The following SRL variants were observed in gnomAD, a reference collection of about 807,000 sequenced individuals.
SRL encodes sarcalumenin.
In SRL, 23 loss-of-function variants were observed where a neutral mutation model predicts 39.5. The ratio of observed to expected loss-of-function variants is 0.58; its 90% CI spans 0.42 to 0.82. The LOEUF is 0.82. Ranked by LOEUF, SRL falls within the 40% of genes least tolerant of loss-of-function variation. SRL has a pLI of 0.00. For missense variants in SRL, 592 were observed against 607.8 expected, an observed-to-expected ratio of 0.97 and a Z score of 0.27; for synonymous variants, 272 against 237.4, an observed-to-expected ratio of 1.15 and a Z score of -1.34.
At chr16:4,224,958 G>C (rs925194889) in intron 1 of SRL, among the ~76,000 whole-genome samples, 2 of 152,162 alleles carry the variant, frequency 1.3e-5, no homozygotes, top group Non-Finnish European at 2.9e-5. Flanking sequence ...GCTGAACCTG[G>C]AAGACACGGT....
At chr16:4,207,356 G>A (rs565357305) in intron 1 of SRL, 5 of 456,752 alleles carry the variant, frequency 1.1e-5, no homozygotes, top group Admixed American at 2.3e-5. Flanking sequence ...CAGCTGGGCC[G>A]GGCTCCCCCT....
Position 4,192,540 on chromosome 16 carries a change from G to A in SRL, c.1035C>T (p.Leu345=), listed in dbSNP as rs374478362. The A allele has an allele frequency of 1.2e-6, 2 of 1,614,076 alleles. No homozygotes were observed. The highest frequency in any genetic ancestry group is 3.3e-5 in the Admixed American group (2 of 59,990). The change falls in exon 6 of 6, where the codon CTC becomes CTT. Residue 345 remains leucine, a synonymous_variant. Transcript: ENST00000399609. The surrounding 1 kb of genome is among the most constrained non-coding windows in gnomAD (Gnocchi z 4.0). ...AAGTCTGCAGGTAGCGGTCAACCAG[G>A]AGGGCGTGGATGCGGACCCGGATGG... ...QHAIRVRIHA[L]LVDRYLQTYK...
intron 1 of SRL, among the ~76,000 whole-genome samples, chr16:4,216,856 C>T (rs765371116): frequency 5.3e-5 from 8 of 152,130 alleles, no homozygotes; most frequent in Non-Finnish European, 1.2e-4. Context: ...CATCCCAGTC[C>T]GAAGAAATCC....
intron 3 of SRL, among the ~76,000 whole-genome samples, chr16:4,198,427 C>T (rs1246923217): frequency 6.6e-6 from 1 of 152,168 alleles, no homozygotes; most frequent in Non-Finnish European, 1.5e-5. Flanking sequence ...ATCCTGGACT[C>T]TGAGGCCAGT....
At chr16:4,203,365 T>A in intron 2 of SRL, 104 bp from the exon 3 acceptor site, 1 of 878,614 alleles carries the variant, frequency 1.1e-6, no homozygotes, top group Non-Finnish European at 1.9e-6. Flanking sequence ...CACCCCTGCC[T>A]GGTGGGCAGC....
At chr16:4,215,239 C>G (rs2052444146) in intron 1 of SRL, among the ~76,000 whole-genome samples, 1 of 152,176 alleles carries the variant, frequency 6.6e-6, no homozygotes, top group African/African-American at 2.4e-5. Context: ...ACATGGGCGA[C>G]CAGAGTGCAG....
chr16:4,195,296 A>G (rs564317229), intron 5 of SRL, among the ~76,000 whole-genome samples: 1 of 152,178 alleles, frequency 6.6e-6, no homozygotes, highest in East Asian at 1.9e-4. Flanking sequence ...TCCTCAGCTC[A>G]AGCAATCTTC....
chr16:4,229,406 C>T (rs188935053), intron 1 of SRL, among the ~76,000 whole-genome samples: 7 of 151,704 alleles, frequency 4.6e-5, no homozygotes, highest in South Asian at 2.1e-4. Flanking sequence ...GCCAAGATCA[C>T]GCCACTGCAC....
At chr16:4,202,799 C>A (rs2052254453) in intron 3 of SRL, among the ~76,000 whole-genome samples, 1 of 152,058 alleles carries the variant, frequency 6.6e-6, no homozygotes. Context: ...CAGGCACCAC[C>A]CATGAGTAGA....
At chr16:4,230,718 T>C (rs1160421277) in intron 1 of SRL, among the ~76,000 whole-genome samples, 1 of 151,984 alleles carries the variant, frequency 6.6e-6, no homozygotes, top group Non-Finnish European at 1.5e-5. Flanking sequence ...AACAGGGTCT[T>C]TGCAAATGTA....
intron 1 of SRL, chr16:4,207,135 G>T (rs1053184000): frequency 3.1e-5 from 14 of 456,630 alleles, no homozygotes; most frequent in African/African-American, 2.8e-4. Flanking sequence ...GGCGCCCTCT[G>T]CTTCTTCTGA....
chr16:4,200,163 T>C lies in SRL; in HGVS notation c.260-2248A>G, dbSNP rs1443542007. Among the ~76,000 whole-genome samples, 6 of 152,186 alleles carry C rather than the reference T, an allele frequency of 3.9e-5. No homozygotes were observed. In the East Asian group the frequency reaches 1.2e-3, roughly 30 times the overall value. On this transcript the variant is annotated intron_variant, in intron 3 of 5. Coordinates refer to ENST00000399609, the MANE Select transcript of SRL (RefSeq NM_001098814.2). ...AAAGCAACACCATGGCCCTGCCCCA[T>C]CCCTCCCTGTCTGTGAATACACAGG...
chr16:4,220,292 C>CAG (rs2052508865), intron 1 of SRL, among the ~76,000 whole-genome samples: 1 of 151,636 alleles, frequency 6.6e-6, no homozygotes, highest in South Asian at 2.1e-4. Flanking sequence ...CACACACACA[C>CAG]ACACACACAC....
chr16:4,233,450 G>A (rs577476638), intron 1 of SRL, among the ~76,000 whole-genome samples: 74 of 152,270 alleles, frequency 4.9e-4, no homozygotes, highest in Non-Finnish European at 8.1e-4. Context: ...CAAGCTGACC[G>A]TCCAGCAATT....
chr16:4,229,444 C>T (rs997251962), intron 1 of SRL, among the ~76,000 whole-genome samples: 5 of 151,294 alleles, frequency 3.3e-5, no homozygotes, highest in African/African-American at 7.3e-5. Context: ...AGCAAGACAC[C>T]GTCTCAAAAA....
At position 4,189,940 on chromosome 16, in the gene SRL, A is replaced by G. The variant is rs190238587; in HGVS notation, c.*2213T>C. 1.8e-4 allele frequency: 38 copies of G among 210,096 alleles called. 1 individual carries two copies. The highest frequency in any genetic ancestry group is 8.2e-4 in the African/African-American group (36 of 43,808). The allele number at this position is 210,096 out of a possible 1,614,324, so 13.0% of individuals were successfully genotyped here. A position where few individuals can be genotyped will look rare whatever the true frequency, so the allele number is the denominator to read the frequency against. ...CCCATCCCCCAAGAGGGCAGACAGT[A>G]CAGAGATGAGGCGAGGGGTTCTGGG... On this transcript the variant is annotated 3_prime_UTR_variant, in exon 6 of 6. Transcript: ENST00000399609.
chr16:4,216,021 G>A (rs2052455659), intron 1 of SRL, among the ~76,000 whole-genome samples: 1 of 151,780 alleles, frequency 6.6e-6, no homozygotes. Flanking sequence ...AGGCAACAGA[G>A]GGAGACCCTG....
chr16:4,200,447 G>C (rs1032203242), intron 3 of SRL, among the ~76,000 whole-genome samples: 1 of 152,178 alleles, frequency 6.6e-6, no homozygotes, highest in Admixed American at 6.5e-5. Context: ...TGGGAGGTGA[G>C]CCTGGGAGAG....
intron 1 of SRL, among the ~76,000 whole-genome samples, chr16:4,228,270 C>T (rs1190834354): frequency 1.3e-5 from 2 of 152,222 alleles, no homozygotes; most frequent in Non-Finnish European, 2.9e-5. Context: ...AACCCCCTCT[C>T]TACTAAAAAT....
Sources: gnomAD v4.1 joint callset for allele counts (sites outside exome capture counted in the v4.1 genomes callset) on GRCh38, gnomAD v4.1.1 for gene constraint, Gnocchi (gnomAD v3.1) non-coding constraint, MANE v1.5 for transcripts, NCBI Gene and HGNC (gene_info 2026-07-23, HGNC 2026-07-21) for gene names.